Variants in NAALADL2 observed in about 807,000 individuals in gnomAD.
NAALADL2 encodes the protein N-acetylated alpha-linked acidic dipeptidase like 2, also known as inactive N-acetylated-alpha-linked acidic dipeptidase-like protein 2.
NAALADL2 carries 76 observed loss-of-function variants against 87.2 expected under a neutral mutation model. The ratio of observed to expected loss-of-function variants is 0.87; its 90% confidence interval spans 0.72 to 1.05. The LOEUF is 1.05. Among genes scored for constraint, NAALADL2 ranks in the 50% least tolerant of loss-of-function variants. The pLI is 0.00. For synonymous variants in NAALADL2, 354 were observed against 331.0 expected, an observed-to-expected ratio of 1.07 and a Z score of -0.75; for missense variants, 1,089 against 945.8, an observed-to-expected ratio of 1.15 and a Z score of -1.99.
At chr3:175,622,488 T>C (rs1042901694) in intron 10 of NAALADL2, among the ~76,000 whole-genome samples, 1 of 152,182 alleles carries the variant, frequency 6.6e-6, no homozygotes, top group South Asian at 2.1e-4. Flanking sequence ...GTTCTCTGTA[T>C]TATCTGGAAC....
At chr3:175,139,073 A>T (rs2108705963) in intron 2 of NAALADL2, among the ~76,000 whole-genome samples, 1 of 151,594 alleles carries the variant, frequency 6.6e-6, no homozygotes, top group Non-Finnish European at 1.5e-5. Context: ...TGTTATATTA[A>T]ACACAAGTAG....
chr3:175,239,910 C>T (rs1295585209), intron 3 of NAALADL2, among the ~76,000 whole-genome samples: 3 of 152,132 alleles, frequency 2.0e-5, no homozygotes, highest in Non-Finnish European at 2.9e-5. Flanking sequence ...AGTTAGTACT[C>T]TATCAATGTT....
intron 2 of NAALADL2, among the ~76,000 whole-genome samples, chr3:175,172,306 G>T (rs1208017183): frequency 1.3e-5 from 2 of 152,086 alleles, no homozygotes; most frequent in African/African-American, 4.8e-5. Context: ...TACTAAACCA[G>T]TAGTAAATTT....
chr3:174,767,619 A>G (rs510860), intron 3 of NAALADL2, among the ~76,000 whole-genome samples: 80,176 of 152,038 alleles, frequency 0.53, 21,529 homozygotes, highest in Middle Eastern at 0.64. Flanking sequence ...GACCTAAGTA[A>G]TGGGGCCATG....
intron 2 of NAALADL2, among the ~76,000 whole-genome samples, chr3:174,684,791 C>A (rs921393037): frequency 6.6e-6 from 1 of 152,078 alleles, no homozygotes; most frequent in Non-Finnish European, 1.5e-5. Flanking sequence ...TGGAAGTTGA[C>A]ATCCCTACAG....
intron 1 of NAALADL2, among the ~76,000 whole-genome samples, chr3:174,899,690 A>C (rs1732071126): frequency 1.3e-5 from 2 of 152,178 alleles, no homozygotes; most frequent in South Asian, 4.1e-4. Context: ...TTACCCAGCC[A>C]TGGATATTTC....
At chr3:175,295,151 G>T (rs1756152743) in intron 4 of NAALADL2, among the ~76,000 whole-genome samples, 1 of 152,148 alleles carries the variant, frequency 6.6e-6, no homozygotes, top group African/African-American at 2.4e-5. Context: ...CAGAAATTCA[G>T]AAATGAGATA....
intron 5 of NAALADL2, among the ~76,000 whole-genome samples, chr3:175,376,452 G>A (rs930902726): frequency 6.6e-6 from 1 of 151,872 alleles, no homozygotes; most frequent in Admixed American, 6.6e-5. Flanking sequence ...TTGTTCTATA[G>A]ACTTGTGGAT....
intron 1 of NAALADL2, among the ~76,000 whole-genome samples, chr3:174,544,510 A>G (rs1171405743): frequency 1.3e-5 from 2 of 150,656 alleles, no homozygotes; most frequent in Admixed American, 6.6e-5. Flanking sequence ...CATCACAGAT[A>G]TACTAAATGG....
At chr3:175,582,216 A>G (rs1216297952) in intron 10 of NAALADL2, among the ~76,000 whole-genome samples, 1 of 151,860 alleles carries the variant, frequency 6.6e-6, no homozygotes, top group Non-Finnish European at 1.5e-5. Context: ...TGAGACAAAT[A>G]CTAAAAAAAA....
intron 6 of NAALADL2, among the ~76,000 whole-genome samples, chr3:175,461,473 C>A (rs974827690): frequency 6.6e-6 from 1 of 152,150 alleles, no homozygotes; most frequent in Admixed American, 6.6e-5. Flanking sequence ...CCTCTCAATC[C>A]CCCCTCTAAT....
chr3:174,882,707 A>G, intron 1 of NAALADL2, among the ~76,000 whole-genome samples: 1 of 144,920 alleles, frequency 6.9e-6, no homozygotes, highest in South Asian at 2.1e-4. Context: ...ATACATGTGT[A>G]TCTACACATA....
chr3:174,451,133 G>T (rs1433417121), intron 1 of NAALADL2, among the ~76,000 whole-genome samples: 1 of 152,102 alleles, frequency 6.6e-6, no homozygotes, highest in Non-Finnish European at 1.5e-5. Context: ...CTTTCAACGA[G>T]AATAACATGG....
chr3:175,148,079 AATAATG>A (rs201357051), intron 2 of NAALADL2, among the ~76,000 whole-genome samples: 32,159 of 140,296 alleles, frequency 0.23, 4,166 homozygotes, highest in South Asian at 0.29. Flanking sequence ...TCAAAATAAT[AATAATG>A]ATAATGATAA....
chr3:175,634,636 G>A (rs1250369360), intron 11 of NAALADL2, among the ~76,000 whole-genome samples: 2 of 151,880 alleles, frequency 1.3e-5, no homozygotes, highest in Non-Finnish European at 2.9e-5. Context: ...TGCTTAGAAA[G>A]CCTGGCTATA....
intron 1 of NAALADL2, among the ~76,000 whole-genome samples, chr3:174,943,994 C>A (rs1365809317): frequency 6.6e-6 from 1 of 152,036 alleles, no homozygotes; most frequent in Admixed American, 6.6e-5. Context: ...GGGATCTGTC[C>A]AGTGAGGAGA....
chr3:174,882,383 C>G (rs957983045), intron 1 of NAALADL2, among the ~76,000 whole-genome samples: 2 of 151,176 alleles, frequency 1.3e-5, no homozygotes, highest in Non-Finnish European at 3.0e-5. Context: ...TTAGGGTTCT[C>G]TAGAGGAACG....
chr3:174,793,890 G>T (rs532711187), intron 3 of NAALADL2, among the ~76,000 whole-genome samples: 1 of 151,820 alleles, frequency 6.6e-6, no homozygotes, highest in Non-Finnish European at 1.5e-5. Context: ...TTTCAATTAG[G>T]CAGGTTAGAA....
intron 4 of NAALADL2, among the ~76,000 whole-genome samples, chr3:175,271,425 C>T (rs1752816637): frequency 6.6e-6 from 1 of 152,180 alleles, no homozygotes; most frequent in Admixed American, 6.5e-5. Flanking sequence ...GCACAGTCTT[C>T]ATGCACATGA....
Sources: gnomAD v4.1 joint callset for allele counts (sites outside exome capture counted in the v4.1 genomes callset) on GRCh38, gnomAD v4.1.1 for gene constraint, MANE v1.5 for transcripts, NCBI Gene and HGNC (gene_info 2026-07-23, HGNC 2026-07-21) for gene names.